ANO3: variants seen among roughly 807,000 people sequenced by gnomAD.
The protein encoded by ANO3 is anoctamin-3.
Under a neutral mutation model 144.8 loss-of-function variants are expected in ANO3, and 99 were observed. That is an observed-to-expected ratio of 0.68 (90% confidence interval 0.58 to 0.81). The LOEUF (loss-of-function observed/expected upper bound fraction) is 0.81. Ranked by LOEUF, ANO3 falls within the 30% of genes least tolerant of loss-of-function variation. ANO3 has a pLI of 0.00. For missense variants in ANO3, 905 were observed against 1,202.2 expected (o/e 0.75, Z 3.66); for synonymous variants, 414 against 392.6 (o/e 1.05, Z -0.64).
intron 1 of ANO3, among the ~76,000 whole-genome samples, chr11:26,420,314 C>T (rs1857715761): frequency 6.6e-6 from 1 of 151,794 alleles, no homozygotes. Flanking sequence ...CTTTCTACTC[C>T]CAAAAGTTAT....
intron 1 of ANO3, among the ~76,000 whole-genome samples, chr11:26,244,493 C>T (rs1055345111): frequency 1.3e-5 from 2 of 152,186 alleles, no homozygotes; most frequent in Non-Finnish European, 2.9e-5. Flanking sequence ...CCAAAGTTGC[C>T]TCCACCAGTC....
chr11:26,273,456 G>T, intron 1 of ANO3, among the ~76,000 whole-genome samples: 1 of 152,156 alleles, frequency 6.6e-6, no homozygotes, highest in Non-Finnish European at 1.5e-5. Context: ...TATCGTGGAA[G>T]TCTGGAAGGA....
chr11:26,521,047 C>CTT (rs1862052405), intron 6 of ANO3, among the ~76,000 whole-genome samples: 1 of 77,002 alleles, frequency 1.3e-5, no homozygotes, highest in Non-Finnish European at 2.8e-5. Flanking sequence ...AACATTAACT[C>CTT]CTTAGGAACT....
At chr11:26,273,546 G>A (rs1356586911) in intron 1 of ANO3, among the ~76,000 whole-genome samples, 1 of 151,566 alleles carries the variant, frequency 6.6e-6, no homozygotes, top group Non-Finnish European at 1.5e-5. Flanking sequence ...TTCTGCTAAA[G>A]AAAACTGAGC....
At chr11:26,545,167 C>G (rs443334) in intron 11 of ANO3, among the ~76,000 whole-genome samples, 108,060 of 151,844 alleles carry the variant, frequency 0.71, 38,757 homozygotes, top group East Asian at 0.84. Context: ...ACACACTTTT[C>G]AGGACATGCA....
intron 1 of ANO3, among the ~76,000 whole-genome samples, chr11:26,424,887 T>C (rs561545916): frequency 4.5e-4 from 68 of 151,506 alleles, no homozygotes; most frequent in Middle Eastern, 6.9e-3. Context: ...ATTTTATACA[T>C]ATATATATAT....
Position 26,601,433 on chromosome 11 carries a change from G to A in ANO3, c.1836+1719G>A, listed in dbSNP as rs957563430. Among the ~76,000 whole-genome samples, 4 of 152,208 alleles carry A rather than the reference G, an allele frequency of 2.6e-5. No individual in the cohort carries two copies. The East Asian group carries it at 5.8e-4, about 22-fold the overall frequency. ...TATTCTACTGGAGTTTGCTTTGCTC[G>A]GGTCCAGTTTAGTTTGTAGAAAGTG... On this transcript the variant is annotated intron_variant, in intron 17 of 26. Coordinates refer to ENST00000256737, the MANE Select transcript of ANO3 (RefSeq NM_031418.4).
chr11:26,283,081 C>CATT (rs149441554), intron 1 of ANO3, among the ~76,000 whole-genome samples: 15,569 of 151,368 alleles, frequency 0.1, 1,351 homozygotes, highest in African/African-American at 0.24. Context: ...AACTATTTTA[C>CATT]ATTATAATTT....
chr11:26,398,859 A>G (rs967736770), intron 1 of ANO3, among the ~76,000 whole-genome samples: 1 of 152,102 alleles, frequency 6.6e-6, no homozygotes, highest in African/African-American at 2.4e-5. Flanking sequence ...AAATAACCAG[A>G]GTGCCATTTA....
intron 18 of ANO3, among the ~76,000 whole-genome samples, chr11:26,628,176 T>G (rs768801540): frequency 6.6e-6 from 1 of 152,070 alleles, no homozygotes; most frequent in Non-Finnish European, 1.5e-5. Flanking sequence ...AATAATGAAC[T>G]GTCTATGTTA....
chr11:26,202,283 A>T (rs1374530741), intron 1 of ANO3, among the ~76,000 whole-genome samples: 2 of 144,302 alleles, frequency 1.4e-5, no homozygotes, highest in Non-Finnish European at 3.0e-5. Flanking sequence ...AATATATATT[A>T]TATATAATAT....
intron 14 of ANO3, among the ~76,000 whole-genome samples, chr11:26,584,142 TG>T (rs1324473010): frequency 7.8e-6 from 1 of 128,712 alleles, no homozygotes; most frequent in Admixed American, 7.9e-5. Flanking sequence ...GATTCTGTCT[TG>T]TTTTTTTGTT....
chr11:26,466,968 A>T, intron 4 of ANO3, among the ~76,000 whole-genome samples: 1 of 152,002 alleles, frequency 6.6e-6, no homozygotes, highest in Non-Finnish European at 1.5e-5. Context: ...TTTAAATAGC[A>T]TAACTGAAAT....
chr11:26,255,631 T>G lies in ANO3; in HGVS notation c.155-54014T>G, dbSNP rs573857417. Among the ~76,000 whole-genome samples, 651 of 151,504 alleles carry G rather than the reference T, an allele frequency of 4.3e-3. 4 individuals are homozygous for G. The highest frequency in any genetic ancestry group is 0.015 in the African/African-American group (621 of 41,298). The stretch of plus-strand genomic sequence containing the variant: ...TGAGATAAAAAAGATGGGAGGGGGG[T>G]TTTGGTCTCCTATGTGCATCAGCCA... On this transcript the variant is annotated intron_variant, in intron 1 of 27. Coordinates refer to the ANO3 transcript ENST00000672621.
chr11:26,469,011 A>G (rs997059720), intron 4 of ANO3, among the ~76,000 whole-genome samples: 6 of 151,934 alleles, frequency 3.9e-5, no homozygotes, highest in South Asian at 2.1e-4. Flanking sequence ...ATGTTTTTAA[A>G]TGTCTCTTCT....
At chr11:26,378,853 C>T (rs2133947542) in intron 1 of ANO3, among the ~76,000 whole-genome samples, 1 of 150,954 alleles carries the variant, frequency 6.6e-6, no homozygotes, top group Non-Finnish European at 1.5e-5. Context: ...ATGTAAGGTG[C>T]TTGGCAAAGT....
chr11:26,661,925 A>G lies in ANO3; in HGVS notation c.*1481A>G, dbSNP rs1853889279. On this transcript the variant is annotated 3_prime_UTR_variant, in exon 27 of 27. Transcript: ENST00000256737. ...AAACAAGGAAATCACACATATGCAC[A>G]CATACATATTTATGGTTACTATGAT... The G allele has an allele frequency of 6.6e-6, 1 of 152,166 alleles. No individual in the cohort carries two copies. The highest frequency in any genetic ancestry group is 1.9e-4 in the East Asian group (1 of 5,172). The allele number at this position is 152,166 out of a possible 1,614,324, so 9.4% of individuals were successfully genotyped here.
chr11:26,290,537 G>A (rs975963703), intron 1 of ANO3, among the ~76,000 whole-genome samples: 1 of 152,114 alleles, frequency 6.6e-6, no homozygotes, highest in Non-Finnish European at 1.5e-5. Flanking sequence ...GCTTTCTCTT[G>A]TGTACATTTA....
intron 1 of ANO3, among the ~76,000 whole-genome samples, chr11:26,278,014 T>C (rs1004891941): frequency 1.3e-5 from 2 of 152,272 alleles, no homozygotes; most frequent in East Asian, 3.9e-4. Flanking sequence ...TGGTGTCTGC[T>C]ATTTTCACAG....
Sources: gnomAD v4.1 joint callset for allele counts (sites outside exome capture counted in the v4.1 genomes callset) on GRCh38, gnomAD v4.1.1 for gene constraint, MANE v1.5 for transcripts, NCBI Gene and HGNC (gene_info 2026-07-23, HGNC 2026-07-21) for gene names.